The following TMEM117 variants were observed in gnomAD, a reference collection of about 807,000 sequenced individuals.
TMEM117 encodes transmembrane protein 117.
A neutral mutation model predicts 52.4 loss-of-function variants in TMEM117; 27 were observed. The ratio of observed to expected loss-of-function variants is 0.51; its 90% CI spans 0.38 to 0.71. The LOEUF (loss-of-function observed/expected upper bound fraction) is 0.71. Among genes scored for constraint, TMEM117 ranks in the 30% least tolerant of loss-of-function variants. The pLI is 0.00. For synonymous variants in TMEM117, 215 were observed against 206.3 expected (o/e 1.04, Z -0.36); for missense variants, 556 against 630.5 (o/e 0.88, Z 1.26).
intron 3 of TMEM117, among the ~76,000 whole-genome samples, chr12:44,134,140 T>G (rs1948455044): frequency 6.6e-6 from 1 of 152,192 alleles, no homozygotes. Flanking sequence ...TTCCCTCACT[T>G]ATTGTGACTC....
At chr12:44,049,505 T>G (rs1946934843) in intron 3 of TMEM117, among the ~76,000 whole-genome samples, 1 of 150,108 alleles carries the variant, frequency 6.7e-6, no homozygotes, top group Non-Finnish European at 1.5e-5. Flanking sequence ...GTAACAAACC[T>G]GCACATTCTG....
intron 3 of TMEM117, among the ~76,000 whole-genome samples, chr12:43,991,289 T>G (rs1040864329): frequency 2.0e-4 from 31 of 152,278 alleles, no homozygotes; most frequent in African/African-American, 7.2e-4. Flanking sequence ...TGAGAAAAAC[T>G]TCCACACAAT....
intron 5 of TMEM117, among the ~76,000 whole-genome samples, chr12:44,267,603 A>G (rs1467883510): frequency 6.6e-6 from 1 of 152,196 alleles, no homozygotes; most frequent in Non-Finnish European, 1.5e-5. Context: ...TATAGGCACT[A>G]TGCTGTCCAG....
At chr12:44,377,046 A>G (rs988153720) in intron 7 of TMEM117, among the ~76,000 whole-genome samples, 3 of 152,128 alleles carry the variant, frequency 2.0e-5, no homozygotes, top group African/African-American at 7.2e-5. Flanking sequence ...ACCTTTCCTC[A>G]TGTTCCATTG....
At chr12:44,065,855 T>C (rs1486047137) in intron 3 of TMEM117, among the ~76,000 whole-genome samples, 1 of 152,236 alleles carries the variant, frequency 6.6e-6, no homozygotes, top group Non-Finnish European at 1.5e-5. Flanking sequence ...TTCCTCTCTC[T>C]ACGTTAATGA....
At chr12:43,829,724 T>C in the TMEM117 span, among the ~76,000 whole-genome samples, 1 of 152,208 alleles carries the variant, frequency 6.6e-6, no homozygotes, top group African/African-American at 2.4e-5. Context: ...ATCTAAGCAC[T>C]GCACACTGGA....
the TMEM117 span, among the ~76,000 whole-genome samples, chr12:43,821,130 A>G: frequency 6.6e-6 from 1 of 152,008 alleles, no homozygotes; most frequent in East Asian, 1.9e-4. Flanking sequence ...AAAAGCATAA[A>G]GACACAAAAT....
At chr12:44,260,885 G>C (rs1228351307) in intron 5 of TMEM117, among the ~76,000 whole-genome samples, 2 of 152,146 alleles carry the variant, frequency 1.3e-5, no homozygotes, top group Non-Finnish European at 2.9e-5. Flanking sequence ...CAAGTAAAAA[G>C]AGAGACAAAT....
At chr12:43,893,335 A>G (rs1271572130) in intron 2 of TMEM117, among the ~76,000 whole-genome samples, 1 of 152,220 alleles carries the variant, frequency 6.6e-6, no homozygotes, top group Non-Finnish European at 1.5e-5. Flanking sequence ...GGAGGCTTGG[A>G]CTAGGGTGAG....
chr12:43,933,778 G>A (rs896647640), intron 2 of TMEM117, among the ~76,000 whole-genome samples: 1 of 152,008 alleles, frequency 6.6e-6, no homozygotes, highest in African/African-American at 2.4e-5. Context: ...GGCCAGGATG[G>A]TCTCAAACTC....
chr12:43,799,363 T>C, the TMEM117 span: 1 of 1,386,942 alleles, frequency 7.2e-7, no homozygotes, highest in Non-Finnish European at 1.0e-6. Context: ...TTCAAACACT[T>C]AAAATCTTGC....
At chr12:44,116,363 C>G (rs1948143124) in intron 3 of TMEM117, among the ~76,000 whole-genome samples, 2 of 152,152 alleles carry the variant, frequency 1.3e-5, no homozygotes, top group Non-Finnish European at 2.9e-5. Flanking sequence ...TCCTTTTCCT[C>G]TTTCTGTGGA....
intron 3 of TMEM117, among the ~76,000 whole-genome samples, chr12:44,067,540 C>A (rs1395559163): frequency 2.0e-5 from 3 of 152,024 alleles, no homozygotes; most frequent in Non-Finnish European, 4.4e-5. Flanking sequence ...CTTGGGTGAC[C>A]AAGATTGTCA....
At chr12:44,354,355 AAC>A (rs879848583) in intron 6 of TMEM117, among the ~76,000 whole-genome samples, 28 of 151,586 alleles carry the variant, frequency 1.8e-4, no homozygotes, top group Middle Eastern at 3.4e-3. Flanking sequence ...GCCTGGCAGA[AAC>A]ACAACAAAAA....
At chr12:44,158,853 T>A (rs187159637) in intron 4 of TMEM117, among the ~76,000 whole-genome samples, 1 of 152,344 alleles carries the variant, frequency 6.6e-6, no homozygotes, top group East Asian at 1.9e-4. Flanking sequence ...ATTGACCATG[T>A]TGTCAGTGGC....
At chr12:44,116,191 C>A (rs1948139668) in intron 3 of TMEM117, among the ~76,000 whole-genome samples, 1 of 152,108 alleles carries the variant, frequency 6.6e-6, no homozygotes, top group Non-Finnish European at 1.5e-5. Flanking sequence ...TCTTGAATTT[C>A]TTATTATATT....
intron 4 of TMEM117, among the ~76,000 whole-genome samples, chr12:44,177,916 C>G (rs185875520): frequency 1.8e-4 from 27 of 152,272 alleles, no homozygotes; most frequent in African/African-American, 6.3e-4. Context: ...ACCCAAATCA[C>G]TTTTCCTGAG....
chr12:43,889,058 G>A (rs907295387), intron 2 of TMEM117, among the ~76,000 whole-genome samples: 2 of 151,048 alleles, frequency 1.3e-5, no homozygotes, highest in African/African-American at 4.9e-5. Context: ...GATGAAACTT[G>A]CACTTTAGAT....
chr12:44,127,910 G>T (rs755891787), intron 3 of TMEM117, among the ~76,000 whole-genome samples: 1 of 152,190 alleles, frequency 6.6e-6, no homozygotes, highest in Non-Finnish European at 1.5e-5. Context: ...GCCAATGTCT[G>T]TCTGTCTGTC....
Sources: gnomAD v4.1 joint callset for allele counts (sites outside exome capture counted in the v4.1 genomes callset) on GRCh38, gnomAD v4.1.1 for gene constraint, MANE v1.5 for transcripts, NCBI Gene and HGNC (gene_info 2026-07-23, HGNC 2026-07-21) for gene names.